ZUP1: variants seen among roughly 807,000 people sequenced by gnomAD.
ZUP1 encodes the protein zinc finger containing ubiquitin peptidase 1, also known as zinc finger-containing ubiquitin peptidase 1.
A neutral mutation model predicts 68.1 loss-of-function variants in ZUP1; 55 were observed. The observed-to-expected ratio is 0.81, with a 90% CI of 0.65 to 1.01. The LOEUF (loss-of-function observed/expected upper bound fraction) is 1.01, where lower values mean the gene tolerates loss of function less well. ZUP1 is among the 50% of genes least tolerant of loss of function. The pLI is 0.00. For synonymous variants in ZUP1, 223 were observed against 221.5 expected (o/e 1.01, Z -0.06); for missense variants, 684 against 674.9 (o/e 1.01, Z -0.15).
chr6:116,643,638 T>C (rs1375056287), intron 9 of ZUP1, among the ~76,000 whole-genome samples: 1 of 152,166 alleles, frequency 6.6e-6, no homozygotes, highest in East Asian at 1.9e-4. Flanking sequence ...TGGCCATATG[T>C]AGAAAGCTGA....
intron 8 of ZUP1, 112 bp from the exon 9 acceptor site, chr6:116,646,046 A>ACGCCTGTAATCCCAGCACTTTGG: frequency 2.9e-6 from 2 of 685,060 alleles, no homozygotes; most frequent in Admixed American, 3.4e-5. Flanking sequence ...AAATACAGTC[A>ACGCCTGTAATCCCAGCACTTTGG]GACTCTGACA....
At chr6:116,638,713 T>C (rs1418648518) in intron 9 of ZUP1, among the ~76,000 whole-genome samples, 1 of 152,228 alleles carries the variant, frequency 6.6e-6, no homozygotes, top group African/African-American at 2.4e-5. Context: ...GGAGCCAAGA[T>C]GGCCGAATAG....
chr6:116,651,639 A>G lies in ZUP1; in HGVS notation c.1249T>C (p.Leu417=). The part of the protein sequence containing the change: ...PQGASQLNNR[L]QGTKAWIGAC... Reference sequence around the variant, plus strand: ...CCAATCCAGGCCTTTGTTCCCTGTAACCTGTTATTAAGTTGAGAGGCCCCC... The same window carrying G: ...CCAATCCAGGCCTTTGTTCCCTGTAGCCTGTTATTAAGTTGAGAGGCCCCC... Residue 417 remains leucine (L), a synonymous_variant, in exon 7 of 10, where the codon TTA becomes CTA. Transcript: ENST00000368576. 6.2e-7 allele frequency: 1 copy of G among 1,613,852 alleles called. No individual in the cohort carries two copies. Among genetic ancestry groups the G allele is most frequent in the African/African-American group, 1.3e-5 (1 of 75,020 alleles).
At chr6:116,664,368 T>A (rs1396322593) in intron 2 of ZUP1, among the ~76,000 whole-genome samples, 2 of 151,194 alleles carry the variant, frequency 1.3e-5, no homozygotes, top group African/African-American at 2.4e-5. Flanking sequence ...GAGGCAGAGG[T>A]TGCAGTGAGC....
At chr6:116,658,359 A>G (rs553425222) in intron 4 of ZUP1, among the ~76,000 whole-genome samples, 1 of 152,350 alleles carries the variant, frequency 6.6e-6, no homozygotes, top group African/African-American at 2.4e-5. Context: ...CTGTAAAATA[A>G]TTTAAGACTC....
intron 5 of ZUP1, among the ~76,000 whole-genome samples, chr6:116,654,751 A>G (rs999658799): frequency 1.3e-5 from 2 of 152,078 alleles, no homozygotes; most frequent in African/African-American, 2.4e-5. Context: ...TAGAGAATAG[A>G]GAAAGGAAGA....
At chr6:116,637,666 C>T (rs1775943426) in intron 9 of ZUP1, among the ~76,000 whole-genome samples, 1 of 152,224 alleles carries the variant, frequency 6.6e-6, no homozygotes, top group East Asian at 1.9e-4. Context: ...TACTTAACCA[C>T]ACCTATGCTC....
intron 5 of ZUP1, among the ~76,000 whole-genome samples, chr6:116,653,819 T>C (rs1335390176): frequency 6.6e-6 from 1 of 151,980 alleles, no homozygotes; most frequent in Admixed American, 6.5e-5. Context: ...TACATTTTAG[T>C]ATATATGTTA....
intron 7 of ZUP1, among the ~76,000 whole-genome samples, chr6:116,649,317 G>A (rs1776408507): frequency 1.3e-5 from 2 of 151,864 alleles, no homozygotes; most frequent in African/African-American, 2.4e-5. Context: ...CATTAAACAC[G>A]ATCACAGACA....
intron 5 of ZUP1, among the ~76,000 whole-genome samples, chr6:116,653,870 C>A (rs976332037): frequency 6.6e-6 from 1 of 151,924 alleles, no homozygotes; most frequent in Non-Finnish European, 1.5e-5. Context: ...CAACATCATG[C>A]AACTGCTTTA....
chr6:116,665,761 T>A (rs1461416147), intron 2 of ZUP1, among the ~76,000 whole-genome samples: 2 of 149,782 alleles, frequency 1.3e-5, no homozygotes, highest in Admixed American at 6.6e-5. Context: ...TTGGTTTTTT[T>A]TTTTTTTTTT....
chr6:116,642,519 A>T (rs1490851777), intron 9 of ZUP1, among the ~76,000 whole-genome samples: 1 of 152,182 alleles, frequency 6.6e-6, no homozygotes, highest in African/African-American at 2.4e-5. Flanking sequence ...CTGGGATGCA[A>T]GGCTGGTTCA....
In ZUP1 at chr6:116,665,885, C is replaced by A. The variant is rs144124019; in HGVS notation, c.559+749G>T. Among the ~76,000 whole-genome samples, 458 of 151,984 alleles carry A rather than the reference C, an allele frequency of 3.0e-3. 7 individuals are homozygous for A. Among genetic ancestry groups the A allele is most frequent in the East Asian group, 0.015 (77 of 5,178 alleles). ...GGATTACAGGCATGAGCCACAACAC[C>A]TGGCTCCACAAATTCTTAAAGTTCA... On this transcript the variant is annotated intron_variant, in intron 2 of 9. Transcript: ENST00000368576.
At chr6:116,657,322 T>A (rs1776701715) in intron 4 of ZUP1, among the ~76,000 whole-genome samples, 1 of 152,244 alleles carries the variant, frequency 6.6e-6, no homozygotes, top group South Asian at 2.1e-4. Flanking sequence ...TCAAATAGTA[T>A]GTATAAAACT....
intron 5 of ZUP1, among the ~76,000 whole-genome samples, chr6:116,656,257 T>C (rs144078818): frequency 6.6e-6 from 1 of 152,222 alleles, no homozygotes; most frequent in East Asian, 1.9e-4. Context: ...TTTTGTAATT[T>C]TTTTTTAGTA....
intron 7 of ZUP1, among the ~76,000 whole-genome samples, chr6:116,648,011 T>C (rs558597739): frequency 4.6e-5 from 7 of 152,338 alleles, no homozygotes; most frequent in African/African-American, 1.7e-4. Context: ...TTTCTAACCC[T>C]GATGATCAGA....
At position 116,645,859 on chromosome 6, in the gene ZUP1, C is replaced by A; in HGVS notation, c.1544G>T (p.Cys515Phe). ...TAATTTCTGCATTTCTCGAGAAGGA[C>A]ATCCAGGATCAAGTATTAGTAAGCA... ...TLCLLILDPG[C>F]PSREMQKLLK... The change falls in exon 9 of 10, where the codon TGT becomes TTT. Residue 515 changes from cysteine to phenylalanine, a missense_variant. Physicochemically the swap from Cys to Phe is radical, Grantham distance 205. Transcript: ENST00000368576. 1 of 1,613,898 alleles carries A rather than the reference C, an allele frequency of 6.2e-7. No individual in the cohort carries two copies. The highest frequency in any genetic ancestry group is 8.5e-7 in the Non-Finnish European group (1 of 1,179,892).
intron 2 of ZUP1, among the ~76,000 whole-genome samples, chr6:116,665,609 G>C (rs1776977770): frequency 7.7e-6 from 1 of 130,176 alleles, no homozygotes; most frequent in South Asian, 2.4e-4. Context: ...GTCTTATTCA[G>C]TCACCCAGAG....
At chr6:116,666,454 T>A (rs1000327918) in intron 2 of ZUP1, among the ~76,000 whole-genome samples, 180 bp downstream of exon 2, 6 of 152,244 alleles carry the variant, frequency 3.9e-5, no homozygotes, top group African/African-American at 9.6e-5. Context: ...TATATCTGCA[T>A]TAAAATTCTT....
Sources: allele counts gnomAD v4.1 joint callset (sites outside exome capture counted in the v4.1 genomes callset), GRCh38; gene constraint gnomAD v4.1.1; transcripts MANE v1.5; gene names NCBI Gene and HGNC (gene_info 2026-07-23, HGNC 2026-07-21).